Variants in SLIT3 observed in about 807,000 individuals in gnomAD.
The protein encoded by SLIT3 is slit guidance ligand 3.
Under a neutral mutation model 184.0 loss-of-function variants are expected in SLIT3, and 68 were observed. The ratio of observed to expected loss-of-function variants is 0.37; its 90% CI spans 0.30 to 0.45. The LOEUF is 0.45. Among genes scored for constraint, SLIT3 ranks in the 20% least tolerant of loss-of-function variants. SLIT3 has a pLI of 1.00. For missense variants in SLIT3, 1,707 were observed against 2,026.0 expected, an observed-to-expected ratio of 0.84 and a Z score of 3.02; for synonymous variants, 831 against 828.6, an observed-to-expected ratio of 1.00 and a Z score of -0.05.
chr5:168,884,108 T>C (rs1259259295), intron 4 of SLIT3, among the ~76,000 whole-genome samples: 1 of 152,042 alleles, frequency 6.6e-6, no homozygotes, highest in Admixed American at 6.5e-5. Context: ...GGGCTGTTTT[T>C]TTTTTTTGGT....
chr5:169,252,459 C>G (rs1332066657), intron 1 of SLIT3, among the ~76,000 whole-genome samples: 3 of 152,178 alleles, frequency 2.0e-5, no homozygotes, highest in African/African-American at 7.2e-5. Flanking sequence ...TTAAGAAAAA[C>G]TGAAGTCACG....
intron 25 of SLIT3, among the ~76,000 whole-genome samples, chr5:168,708,841 A>G (rs897881917): frequency 1.3e-5 from 2 of 152,194 alleles, no homozygotes; most frequent in African/African-American, 4.8e-5. Flanking sequence ...GTTAACAGTT[A>G]TCAACTTGGA....
intron 4 of SLIT3, among the ~76,000 whole-genome samples, chr5:169,093,286 T>A (rs1316316734): frequency 2.6e-5 from 4 of 152,122 alleles, no homozygotes; most frequent in Non-Finnish European, 4.4e-5. Context: ...ACCCTACCAG[T>A]TTAGTGATTA....
intron 7 of SLIT3, among the ~76,000 whole-genome samples, chr5:168,819,849 T>A (rs1478858125): frequency 6.6e-6 from 1 of 152,068 alleles, no homozygotes; most frequent in Non-Finnish European, 1.5e-5. Flanking sequence ...TTAATAGAAA[T>A]TTTTCTCCTC....
At chr5:168,803,998 A>G (rs1756861173) in intron 9 of SLIT3, among the ~76,000 whole-genome samples, 1 of 151,384 alleles carries the variant, frequency 6.6e-6, no homozygotes, top group Non-Finnish European at 1.5e-5. Context: ...GAAATGCATC[A>G]AGGGAGGGAG....
chr5:169,163,140 G>C (rs1457316658), intron 4 of SLIT3, among the ~76,000 whole-genome samples: 1 of 152,012 alleles, frequency 6.6e-6, no homozygotes, highest in Non-Finnish European at 1.5e-5. Context: ...GGCCAACATA[G>C]TGAAACCCCG....
intron 14 of SLIT3, among the ~76,000 whole-genome samples, chr5:168,764,790 G>A (rs796849758): frequency 3.3e-5 from 5 of 152,216 alleles, no homozygotes; most frequent in East Asian, 3.9e-4. Context: ...CTCCGTGCAC[G>A]TATCCCCACA....
intron 14 of SLIT3, chr5:168,772,372 T>C (rs1190821339): frequency 2.9e-5 from 6 of 203,812 alleles, no homozygotes; most frequent in Non-Finnish European, 6.0e-5. Flanking sequence ...ACACCGTCTG[T>C]AGCCTCGCCT....
chr5:169,150,325 G>A (rs1762073129), intron 4 of SLIT3, among the ~76,000 whole-genome samples: 1 of 152,072 alleles, frequency 6.6e-6, no homozygotes, highest in Non-Finnish European at 1.5e-5. Flanking sequence ...TCTGGTCTAG[G>A]CCAGGACCAC....
chr5:169,145,850 C>T (rs1440528857), intron 4 of SLIT3, among the ~76,000 whole-genome samples: 1 of 152,172 alleles, frequency 6.6e-6, no homozygotes, highest in Non-Finnish European at 1.5e-5. Context: ...GAGCTCGAGG[C>T]CAGCCTGGCC....
intron 4 of SLIT3, among the ~76,000 whole-genome samples, chr5:169,153,547 C>A (rs1240974642): frequency 6.6e-6 from 1 of 152,244 alleles, no homozygotes; most frequent in African/African-American, 2.4e-5. Context: ...TCAGACAATA[C>A]TCAGATCCTT....
At chr5:168,832,095 G>A (rs1561957039) in intron 6 of SLIT3, among the ~76,000 whole-genome samples, 1 of 152,172 alleles carries the variant, frequency 6.6e-6, no homozygotes, top group Non-Finnish European at 1.5e-5. Flanking sequence ...CAATGATGGA[G>A]TTTATTTTAA....
At chr5:168,775,422 CCTTCTTTT>C (rs1217859298) in intron 12 of SLIT3, among the ~76,000 whole-genome samples, 1 of 152,100 alleles carries the variant, frequency 6.6e-6, no homozygotes, top group Non-Finnish European at 1.5e-5. Flanking sequence ...AGCAGGGCTG[CCTTCTTTT>C]CCTGCTTTCC....
intron 5 of SLIT3, among the ~76,000 whole-genome samples, chr5:168,862,085 CTATT>C (rs1228298077): frequency 1.3e-5 from 2 of 152,108 alleles, no homozygotes; most frequent in African/African-American, 4.8e-5. Flanking sequence ...GCTTTGTGGT[CTATT>C]TATTTTTCAT....
At chr5:168,760,004 C>G (rs1011294650) in intron 16 of SLIT3, among the ~76,000 whole-genome samples, 1 of 152,182 alleles carries the variant, frequency 6.6e-6, no homozygotes, top group Non-Finnish European at 1.5e-5. Context: ...AGCAAGCCAG[C>G]CTCACACTAG....
intron 4 of SLIT3, among the ~76,000 whole-genome samples, chr5:169,188,711 G>T (rs1047947011): frequency 3.3e-5 from 5 of 152,188 alleles, no homozygotes; most frequent in African/African-American, 1.2e-4. Context: ...CTTCCATGGA[G>T]CATTTACTAC....
chr5:169,131,765 G>A (rs1341093900), intron 4 of SLIT3, among the ~76,000 whole-genome samples: 5 of 152,158 alleles, frequency 3.3e-5, no homozygotes, highest in Non-Finnish European at 7.3e-5. Flanking sequence ...ATTCTTCCTT[G>A]CCTTCCTCTA....
intron 8 of SLIT3, among the ~76,000 whole-genome samples, chr5:168,816,478 T>C (rs7733306): frequency 0.53 from 81,097 of 151,984 alleles, 22,087 homozygotes; most frequent in African/African-American, 0.62. Flanking sequence ...TGAGCCACTG[T>C]GCCCAGCCAG....
chr5:169,232,669 A>G (rs1765047625), intron 3 of SLIT3, among the ~76,000 whole-genome samples: 1 of 152,236 alleles, frequency 6.6e-6, no homozygotes, highest in South Asian at 2.1e-4. Flanking sequence ...TAGACAGACC[A>G]TCCATTCCAG....
Sources: allele counts gnomAD v4.1 joint callset (sites outside exome capture counted in the v4.1 genomes callset), GRCh38; gene constraint gnomAD v4.1.1; transcripts MANE v1.5; gene names NCBI Gene and HGNC (gene_info 2026-07-23, HGNC 2026-07-21).